Variants in PKHD1L1 observed in about 807,000 individuals in gnomAD.
The protein encoded by PKHD1L1 is PKHD1 like 1, also known as fibrocystin-L.
In PKHD1L1, 434 loss-of-function variants were observed where a neutral mutation model predicts 462.9. That is an observed-to-expected ratio of 0.94 (90% CI 0.87 to 1.02). The LOEUF (loss-of-function observed/expected upper bound fraction) is 1.02. Among genes scored for constraint, PKHD1L1 ranks in the 50% least tolerant of loss-of-function variants. PKHD1L1 has a pLI of 0.00. For synonymous variants in PKHD1L1, 1,781 were observed against 1,750.0 expected, an observed-to-expected ratio of 1.02 and a Z score of -0.44; for missense variants, 5,202 against 5,096.1, an observed-to-expected ratio of 1.02 and a Z score of -0.63.
chr8:109,511,028 G>C, intron 71 of PKHD1L1, 94 bp downstream of exon 71: 1 of 1,387,964 alleles, frequency 7.2e-7, no homozygotes. Context: ...TTCTAACATT[G>C]TCAGCCTTAC....
At chr8:109,379,103 C>G (rs1811981786) in intron 2 of PKHD1L1, among the ~76,000 whole-genome samples, 1 of 152,164 alleles carries the variant, frequency 6.6e-6, no homozygotes, top group Non-Finnish European at 1.5e-5. Flanking sequence ...AAACAACCTA[C>G]TGCTATTGCT....
chr8:109,495,948 T>A lies in PKHD1L1; in HGVS notation c.10328-971T>A, dbSNP rs375799645. 2.6e-5 allele frequency among the ~76,000 whole-genome samples: 4 copies of A among 152,202 alleles called. No individual in the cohort carries two copies. The East Asian group carries it at 7.7e-4, about 29-fold the overall frequency. On this transcript the variant is annotated intron_variant, in intron 63 of 77. Coordinates refer to ENST00000378402, the MANE Select transcript of PKHD1L1 (RefSeq NM_177531.6). ...TCCCCTTTGTTGTATATATTAATAA[T>A]GAGTATAGTTGCCATTTATTGAGAG...
At chr8:109,519,269 A>G (rs80261042) in intron 73 of PKHD1L1, among the ~76,000 whole-genome samples, 2,163 of 152,156 alleles carry the variant, frequency 0.014, 24 homozygotes, top group Middle Eastern at 0.024. Context: ...CATCAGAGAA[A>G]TCTCTGCTGG....
intron 71 of PKHD1L1, among the ~76,000 whole-genome samples, chr8:109,514,584 C>T (rs73700615): frequency 0.028 from 4,292 of 152,146 alleles, 128 homozygotes; most frequent in African/African-American, 0.073. Context: ...AAGAAGATTC[C>T]AGAACTAATG....
At position 109,406,330 on chromosome 8, in the gene PKHD1L1, C is replaced by A. The variant is rs1239167312; in HGVS notation, c.1670-5C>A. 1.9e-6 allele frequency: 3 copies of A among 1,542,878 alleles called. No homozygotes were observed. The South Asian group carries it at 3.7e-5, about 19-fold the overall frequency. On this transcript the variant is annotated splice_polypyrimidine_tract_variant and splice_region_variant and intron_variant, in intron 16 of 77. Coordinates refer to ENST00000378402, the MANE Select transcript of PKHD1L1 (RefSeq NM_177531.6). ...GTTTGTTTGTTTGTTTTAATCCAAT[C>A]AAAGTCTTCCTACCTGCTGATGCTT...
chr8:109,526,276 T>G (rs959449535), intron 76 of PKHD1L1, among the ~76,000 whole-genome samples: 1 of 152,238 alleles, frequency 6.6e-6, no homozygotes, highest in African/African-American at 2.4e-5. Context: ...TGGTAAAAGT[T>G]TTTTGAATCT....
chr8:109,427,761 C>T (rs1814845204), intron 25 of PKHD1L1, among the ~76,000 whole-genome samples: 1 of 152,094 alleles, frequency 6.6e-6, no homozygotes, highest in African/African-American at 2.4e-5. Context: ...CACAGTGGCT[C>T]ATGCCTGTAA....
intron 22 of PKHD1L1, 104 bp downstream of exon 22, chr8:109,419,364 A>G: frequency 4.1e-5 from 32 of 777,906 alleles, no homozygotes; most frequent in Non-Finnish European, 5.9e-5. Context: ...TTAATATCTA[A>G]ATATTAATGA....
At chr8:109,434,217 C>G (rs974872517) in intron 28 of PKHD1L1, among the ~76,000 whole-genome samples, 1 of 151,946 alleles carries the variant, frequency 6.6e-6, no homozygotes, top group Non-Finnish European at 1.5e-5. Context: ...CCTGCATGTT[C>G]TGCACAGGTA....
In PKHD1L1 at chr8:109,413,440, G is replaced by A. The variant is rs569736120; in HGVS notation, c.2255G>A (p.Gly752Glu). The A allele has an allele frequency of 3.2e-6, 5 of 1,557,402 alleles. No homozygotes were observed. Among genetic ancestry groups the A allele is most frequent in the South Asian group, 2.4e-5 (2 of 82,856 alleles). ...ATGTAGTTATGTTTAGCATACAAAG[G>A]ATTCCTGGCAAATTATATTGGTCTA... ...PYNQLCLAYK[G>E]FLANYIGLKF... Residue 752 changes from glycine (G) to glutamate (E), a missense_variant, in exon 21 of 78, where the codon GGA (glycine) becomes GAA (glutamate). Transcript: ENST00000378402.
At chr8:109,500,372 C>T (rs1819338255) in intron 67 of PKHD1L1, among the ~76,000 whole-genome samples, 1 of 151,290 alleles carries the variant, frequency 6.6e-6, no homozygotes, top group South Asian at 2.1e-4. Context: ...GGCTCAGACC[C>T]TCATTCCTGT....
Position 109,486,834 on chromosome 8 carries a change from T to A in PKHD1L1, c.9880+13T>A. The A allele has an allele frequency of 1.9e-6, 3 of 1,607,080 alleles. No homozygotes were observed. Among genetic ancestry groups the A allele is most frequent in the Non-Finnish European group, 2.6e-6 (3 of 1,175,374 alleles). On this transcript the variant is annotated intron_variant, in intron 59 of 77. Coordinates refer to ENST00000378402, the MANE Select transcript of PKHD1L1 (RefSeq NM_177531.6). ...ATGACATTTAAAGGTTGGTATCAATTCAGTTTATTTTTCTAAATGAGCTAT... is the reference window on the plus strand; with the variant it reads ...ATGACATTTAAAGGTTGGTATCAATACAGTTTATTTTTCTAAATGAGCTAT...
intron 62 of PKHD1L1, among the ~76,000 whole-genome samples, chr8:109,493,151 GC>G (rs1444317979): frequency 2.0e-5 from 3 of 149,974 alleles, no homozygotes; most frequent in Non-Finnish European, 3.0e-5. Flanking sequence ...GGGCAACATA[GC>G]GAGACCCTGT....
At chr8:109,522,613 A>T in intron 74 of PKHD1L1, 131 bp from the exon 75 acceptor site, 1 of 1,009,700 alleles carries the variant, frequency 9.9e-7, no homozygotes, top group Non-Finnish European at 1.4e-6. Flanking sequence ...TATTGTAATT[A>T]TATTAATTTT....
chr8:109,443,055 T>C lies in PKHD1L1; in HGVS notation c.4503T>C (p.Ala1501=). Residue 1501 remains alanine, a synonymous_variant, in exon 36 of 78, where the codon GCT becomes GCC. Transcript: ENST00000378402. ...AAGGAGTCATTAATGTTTTACCAGCTGAAACCAGACACATTCCCTTGCACC... is the reference window on the plus strand; with the variant it reads ...AAGGAGTCATTAATGTTTTACCAGCCGAAACCAGACACATTCCCTTGCACC... ...FLQGVINVLP[A]ETRHIPLHLF... The C allele has an allele frequency of 6.2e-7, 1 of 1,613,768 alleles. No homozygotes were observed.
In PKHD1L1 at chr8:109,389,100, T is replaced by C. The variant is rs1425029428; in HGVS notation, c.645T>C (p.His215=). The C allele has an allele frequency of 1.2e-6, 2 of 1,610,372 alleles. No homozygotes were observed. Among genetic ancestry groups the C allele is most frequent in the East Asian group, 2.2e-5 (1 of 44,712 alleles). ...TTAGATATGGTCTAAAACTGGATCA[T>C]CCAAATGGAGATATGGGTTCTATGG... ...SDNLYGLKLD[H]PNGDMGSMVC... is the part of the protein sequence containing the mutation. Residue 215 remains histidine, a synonymous_variant, in exon 8 of 78, where the codon CAT becomes CAC. Transcript: ENST00000378402.
intron 56 of PKHD1L1, among the ~76,000 whole-genome samples, chr8:109,481,920 T>C (rs1223055822): frequency 2.6e-5 from 4 of 151,878 alleles, no homozygotes; most frequent in Admixed American, 6.6e-5. Context: ...AGCAATACTA[T>C]GTTTCACATT....
rs979385254 is a variant in PKHD1L1, at chr8:109,451,041, C to T, written c.6242C>T (p.Thr2081Ile). ...GGGAAAGATTTGTCACAGTCCATGA[C>T]TCCGTTTACGTACGCAGTGTCACTG... is the stretch of plus-strand genomic sequence containing the variant. ...VNGKDLSQSM[T>I]PFTYAVSLTP... The change falls in exon 41 of 78, where the codon ACT (threonine) becomes ATT (isoleucine). Residue 2081 changes from threonine (T) to isoleucine (I), a missense_variant. By Grantham distance (89) the Thr-to-Ile change is moderately conservative. Coordinates refer to ENST00000378402, the MANE Select transcript of PKHD1L1 (RefSeq NM_177531.6). 1 of 1,613,752 alleles carries T rather than the reference C, an allele frequency of 6.2e-7. No individual in the cohort carries two copies. The highest frequency in any genetic ancestry group is 8.5e-7 in the Non-Finnish European group (1 of 1,179,802).
chr8:109,404,902 G>T, intron 15 of PKHD1L1, 93 bp from the exon 16 acceptor site: 1 of 1,083,080 alleles, frequency 9.2e-7, no homozygotes, highest in South Asian at 2.0e-5. Context: ...TAGTAAAATA[G>T]AGCAATAAAG....
Sources: allele counts gnomAD v4.1 joint callset (sites outside exome capture counted in the v4.1 genomes callset), GRCh38; gene constraint gnomAD v4.1.1; transcripts MANE v1.5; gene names NCBI Gene and HGNC (gene_info 2026-07-23, HGNC 2026-07-21).